COA8: variants seen among roughly 807,000 people sequenced by gnomAD.
The protein encoded by COA8 is cytochrome c oxidase assembly factor 8.
A neutral mutation model predicts 22.0 loss-of-function variants in COA8; 20 were observed. The ratio of observed to expected loss-of-function variants is 0.91; its 90% CI spans 0.64 to 1.32. The LOEUF is 1.32. COA8 is among the 40% of genes most tolerant of loss of function. The pLI, the probability that COA8 is intolerant of heterozygous loss-of-function variation, is 0.00. For missense variants in COA8, 266 were observed against 230.0 expected (o/e 1.16, Z -1.01); for synonymous variants, 105 against 79.9 (o/e 1.31, Z -1.68).
intron 3 of COA8, among the ~76,000 whole-genome samples, chr14:103,580,275 T>C (rs1299740822): frequency 4.6e-5 from 7 of 151,804 alleles, no homozygotes; most frequent in Admixed American, 3.3e-4. Context: ...AGAATTTTTT[T>C]CTATGTTGCC....
chr14:103,588,331 A>C (rs886823507), intron 4 of COA8: 4 of 396,348 alleles, frequency 1.0e-5, no homozygotes, highest in African/African-American at 8.2e-5. Flanking sequence ...TCTGGGCAAC[A>C]TAGTGAAAGG....
intron 4 of COA8, chr14:103,588,228 T>C (rs1228744176): frequency 5.1e-6 from 2 of 395,086 alleles, no homozygotes; most frequent in Non-Finnish European, 8.9e-6. Context: ...TTTAAAATAT[T>C]TGTAGGCTGG....
intron 3 of COA8, among the ~76,000 whole-genome samples, chr14:103,578,885 G>A (rs1405072454): frequency 7.9e-5 from 12 of 152,310 alleles, no homozygotes; most frequent in African/African-American, 2.6e-4. Context: ...TGTGCCAGCC[G>A]CGCCCCTCCT....
intron 1 of COA8, among the ~76,000 whole-genome samples, chr14:103,570,084 C>T (rs910704230): frequency 1.3e-5 from 2 of 151,884 alleles, no homozygotes. Flanking sequence ...CTCGAACTCC[C>T]GACCTTAGGT....
chr14:103,589,677 AG>A (rs1464227935), intron 4 of COA8, among the ~76,000 whole-genome samples: 3 of 151,898 alleles, frequency 2.0e-5, no homozygotes, highest in Non-Finnish European at 4.4e-5. Flanking sequence ...GAACTTTGGG[AG>A]GTTGAGGCAG....
At chr14:103,582,616 A>T (rs547802128) in intron 3 of COA8, among the ~76,000 whole-genome samples, 1 of 152,214 alleles carries the variant, frequency 6.6e-6, no homozygotes, top group South Asian at 2.1e-4. Context: ...AGTGTGCGTG[A>T]TGAAACCCGT....
At chr14:103,577,258 C>T (rs768041088) in intron 3 of COA8, among the ~76,000 whole-genome samples, 5 of 151,358 alleles carry the variant, frequency 3.3e-5, no homozygotes, top group Non-Finnish European at 5.9e-5. Flanking sequence ...GTGTGTGTTT[C>T]GTAGACGGAG....
chr14:103,586,694 G>T (rs1428666930), intron 3 of COA8, among the ~76,000 whole-genome samples: 1 of 150,592 alleles, frequency 6.6e-6, no homozygotes, highest in Non-Finnish European at 1.5e-5. Context: ...GAGTGAAGTG[G>T]CATGATCTGG....
rs2274268 is a variant in COA8 at position 103,563,041 on chromosome 14, C to G, written c.40C>G (p.Pro14Ala). The G allele has an allele frequency of 0.33, 502,927 of 1,541,778 alleles. 85,328 individuals are homozygous for G. The highest frequency in any genetic ancestry group is 0.36 in the Middle Eastern group (2,014 of 5,608). ...GGCGGGGAAGAAGACCTTTCTCCCC[C>G]CTCTCTGCCGCGCCTTCGCCTGCCG... ...LRAGKKTFLP[P>A]LCRAFACRGC... Residue 14 changes from proline (P) to alanine (A), a missense_variant, in exon 1 of 5, where the codon CCT becomes GCT. Coordinates refer to ENST00000409074, the MANE Select transcript of COA8 (RefSeq NM_001370595.2).
Position 103,581,557 on chromosome 14 carries a change from T to G in COA8, c.386-5717T>G, listed in dbSNP as rs1331533796. On this transcript the variant is annotated intron_variant, in intron 3 of 4. Transcript: ENST00000409074. This position sits in a 1 kb window ranked among gnomAD's most constrained non-coding sequence, Gnocchi z 4.1. ...TTGTTCATTTCTGGAATTTTCCATT[T>G]AATATTTTCAGACCCCACTTTACCT... The G allele has an allele frequency of 5.0e-6, 2 of 399,036 alleles. No individual in the cohort carries two copies. Among genetic ancestry groups the G allele is most frequent in the Non-Finnish European group, 8.8e-6 (2 of 226,502 alleles). The allele number at this position is 399,036 out of a possible 1,614,324, so 24.7% of individuals were successfully genotyped here. A position where few individuals can be genotyped will look rare whatever the true frequency, so the allele number is the denominator to read the frequency against.
intron 3 of COA8, among the ~76,000 whole-genome samples, chr14:103,585,889 G>GT (rs796235723): frequency 1.0e-4 from 15 of 144,986 alleles, no homozygotes; most frequent in African/African-American, 3.8e-4. Context: ...CTTTTTTGTT[G>GT]TTTTTTGTTT....
intron 1 of COA8, among the ~76,000 whole-genome samples, chr14:103,564,704 C>G (rs531594551): frequency 6.6e-6 from 1 of 150,800 alleles, no homozygotes; most frequent in African/African-American, 2.4e-5. Flanking sequence ...CTCAGCCTTC[C>G]GAGTAGCTGG....
chr14:103,584,489 T>A (rs1014488909), intron 3 of COA8, among the ~76,000 whole-genome samples: 3 of 152,166 alleles, frequency 2.0e-5, no homozygotes, highest in Non-Finnish European at 4.4e-5. Flanking sequence ...TCTGAGGTTT[T>A]AGGAGCTCTG....
chr14:103,582,321 G>A (rs1435984218), intron 3 of COA8, among the ~76,000 whole-genome samples: 1 of 152,094 alleles, frequency 6.6e-6, no homozygotes, highest in Non-Finnish European at 1.5e-5. Flanking sequence ...CTACTTCAGG[G>A]CAGCCCTGCC....
intron 1 of COA8, among the ~76,000 whole-genome samples, chr14:103,567,144 A>T (rs1054717252): frequency 1.3e-5 from 2 of 152,142 alleles, no homozygotes; most frequent in Non-Finnish European, 2.9e-5. Context: ...AGGCCGAGGC[A>T]GGTGGATCAT....
intron 1 of COA8, among the ~76,000 whole-genome samples, chr14:103,570,868 G>A (rs770745058): frequency 3.1e-4 from 47 of 152,224 alleles, no homozygotes; most frequent in Non-Finnish European, 3.8e-4. Flanking sequence ...GAGGTGGCTA[G>A]GCAATGGGTG....
At chr14:103,580,773 G>A (rs531652950) in intron 3 of COA8, among the ~76,000 whole-genome samples, 7 of 149,988 alleles carry the variant, frequency 4.7e-5, no homozygotes, top group African/African-American at 1.5e-4. Flanking sequence ...GATTACAGGC[G>A]TGAGCCACTA....
At chr14:103,582,526 T>TAAC (rs1471816128) in intron 3 of COA8, among the ~76,000 whole-genome samples, 1 of 152,150 alleles carries the variant, frequency 6.6e-6, no homozygotes, top group Admixed American at 6.6e-5. Flanking sequence ...GGCAGGCTGT[T>TAAC]AACCTAGGAT....
chr14:103,563,223 G>A, intron 1 of COA8, 99 bp downstream of exon 1: 1 of 1,465,606 alleles, frequency 6.8e-7, no homozygotes, highest in African/African-American at 1.4e-5. Context: ...AGCCGCCTCA[G>A]GCCTTTGTCC....
Sources: allele counts gnomAD v4.1 joint callset (sites outside exome capture counted in the v4.1 genomes callset), GRCh38; gene constraint gnomAD v4.1.1; non-coding constraint Gnocchi (gnomAD v3.1); transcripts MANE v1.5; gene names NCBI Gene and HGNC (gene_info 2026-07-23, HGNC 2026-07-21).